PIK3C3: variants seen among roughly 807,000 people sequenced by gnomAD.
PIK3C3 encodes the protein PI3-kinase type 3.
In PIK3C3, 95 loss-of-function variants were observed where a neutral mutation model predicts 126.1. The observed-to-expected ratio is 0.75, with a 90% CI of 0.64 to 0.89. The LOEUF is 0.89. Among genes scored for constraint, PIK3C3 ranks in the 40% least tolerant of loss-of-function variants. The probability of loss-of-function intolerance (pLI) is 0.00; values close to 1 mark genes in which losing one functional copy is unlikely to be tolerated. For missense variants in PIK3C3, 829 were observed against 1,063.2 expected (o/e 0.78, Z 3.06); for synonymous variants, 374 against 360.0 (o/e 1.04, Z -0.44).
intron 24 of PIK3C3, among the ~76,000 whole-genome samples, chr18:42,079,396 A>G (rs576496863): frequency 6.6e-6 from 1 of 152,344 alleles, no homozygotes; most frequent in Admixed American, 6.5e-5. Context: ...AAACATTTAC[A>G]ATAGTGATAA....
intron 21 of PIK3C3, among the ~76,000 whole-genome samples, chr18:42,056,694 C>T (rs988940376): frequency 1.1e-4 from 16 of 151,960 alleles, no homozygotes; most frequent in Non-Finnish European, 2.2e-4. Context: ...AAAAGAATTG[C>T]TTAGCTTAGT....
At position 41,957,570 on chromosome 18, in the gene PIK3C3, A is replaced by G. The variant is rs145745512; in HGVS notation, c.69A>G (p.Ile23Met). 5.8e-5 allele frequency: 93 copies of G among 1,604,768 alleles called. No homozygotes were observed. The highest frequency in any genetic ancestry group is 7.8e-5 in the Non-Finnish European group (92 of 1,177,802). ...CDLDINVQLK[I>M]GSLEGKREQK... ...AACATTGTTGGTCTTGTGCTTTCAG[A>G]GGAAGCTTGGAAGGGAAGAGAGAAC... Residue 23 changes from isoleucine (I) to methionine (M), a missense_variant and splice_region_variant, in exon 2 of 25, where the codon ATA becomes ATG. Physicochemically the swap from Ile to Met is conservative, Grantham distance 10. Around this residue, in one of 4 missense-constraint regions of PIK3C3, gnomAD observed 313 missense variants for 340.7 expected, o/e 0.92. Transcript: ENST00000262039.
intron 24 of PIK3C3, among the ~76,000 whole-genome samples, chr18:42,079,503 A>G (rs986052049): frequency 1.3e-5 from 2 of 152,210 alleles, no homozygotes; most frequent in African/African-American, 4.8e-5. Flanking sequence ...CAGAGACACA[A>G]AGTGAACATA....
rs1372294430 is a variant in PIK3C3 at position 42,078,355 on chromosome 18, G to A, written c.2650-2768G>A. Among the ~76,000 whole-genome samples the A allele has an allele frequency of 2.4e-4, 33 of 136,302 alleles. No homozygotes were observed. The Admixed American group carries it at 2.5e-3, about 10-fold the overall frequency. The allele number at this position is 136,302 out of a possible 152,430, so 89.4% of individuals were successfully genotyped here. ...TTGCGCCACTGCAGTCCGCAGTCCG[G>A]CCTGGGCAACAGAGCGAGACTCTGT... On this transcript the variant is annotated intron_variant, in intron 24 of 24. Coordinates refer to ENST00000262039, the MANE Select transcript of PIK3C3 (RefSeq NM_002647.4).
intron 24 of PIK3C3, chr18:42,070,498 CTT>C (rs1985728286): frequency 6.6e-6 from 1 of 151,868 alleles, no homozygotes. Flanking sequence ...TCTTAATTCT[CTT>C]TATTAAAAAT....
chr18:42,004,286 C>T, intron 9 of PIK3C3, 70 bp from the exon 10 acceptor site: 3 of 1,197,218 alleles, frequency 2.5e-6, no homozygotes, highest in Non-Finnish European at 1.2e-6. Context: ...CCTAGTGGAA[C>T]TCTGCCTAGT....
intron 4 of PIK3C3, among the ~76,000 whole-genome samples, chr18:41,975,062 G>C (rs1188669786): frequency 6.6e-6 from 1 of 152,210 alleles, no homozygotes; most frequent in Middle Eastern, 3.2e-3. Flanking sequence ...TGGGAATGTT[G>C]TTGAGTAGAG....
At chr18:41,960,999 C>T (rs1980056881) in intron 2 of PIK3C3, among the ~76,000 whole-genome samples, 1 of 152,002 alleles carries the variant, frequency 6.6e-6, no homozygotes, top group Admixed American at 6.6e-5. Context: ...GCCTCGGCCT[C>T]CCAAAGTAGG....
rs116765544 is a variant in PIK3C3 at position 42,035,534 on chromosome 18, G to A, written c.1839+1577G>A. Among the ~76,000 whole-genome samples the A allele has an allele frequency of 7.0e-3, 1,069 of 152,130 alleles. 13 individuals carry two copies. The highest frequency in any genetic ancestry group is 0.023 in the African/African-American group (947 of 41,504). On this transcript the variant is annotated intron_variant, in intron 16 of 24. Transcript: ENST00000262039. Reference sequence around the variant, plus strand: ...CTTTTTGACCTCAGTATTCAGTCTTGATTATTTTTCTTTCAACTCTTAAGT... The same window carrying A: ...CTTTTTGACCTCAGTATTCAGTCTTAATTATTTTTCTTTCAACTCTTAAGT...
chr18:41,993,119 T>G, intron 6 of PIK3C3, 151 bp from the exon 7 acceptor site: 1 of 492,358 alleles, frequency 2.0e-6, no homozygotes, highest in South Asian at 3.4e-5. Flanking sequence ...GGACATGCAT[T>G]TTATAATATT....
rs866032233 is a variant in PIK3C3, at chr18:42,027,630, G to A, written c.1590+82G>A. ...TTGCCTGTTTAGGAACATCCCATGAGCTAAAAATGGTTTTATATATTTATT... is the reference window on the plus strand; with the variant it reads ...TTGCCTGTTTAGGAACATCCCATGAACTAAAAATGGTTTTATATATTTATT... On this transcript the variant is annotated intron_variant, in intron 14 of 24. Coordinates refer to ENST00000262039, the MANE Select transcript of PIK3C3 (RefSeq NM_002647.4). 2.8e-5 allele frequency: 18 copies of A among 638,922 alleles called. No homozygotes were observed. The Middle Eastern group carries it at 1.8e-3, about 65-fold the overall frequency. 39.6% of individuals were successfully genotyped at this position (638,922 alleles called of 1,614,324 possible). A position where few individuals can be genotyped will look rare whatever the true frequency, so the allele number is the denominator to read the frequency against.
rs920130891 is a variant in PIK3C3 at position 42,082,790 on chromosome 18, C to T, written c.*1653C>T. 1 of 152,072 alleles carries T rather than the reference C, an allele frequency of 6.6e-6. No homozygotes were observed. The highest frequency in any genetic ancestry group is 2.4e-5 in the African/African-American group (1 of 41,394). The allele number at this position is 152,072 out of a possible 1,614,324, so 9.4% of individuals were successfully genotyped here. A position where few individuals can be genotyped will look rare whatever the true frequency, so the allele number is the denominator to read the frequency against. On this transcript the variant is annotated 3_prime_UTR_variant, in exon 25 of 25. Transcript: ENST00000262039. ...CTTCAGCTTTGGGGGGCATATGATC[C>T]CAATAGCATCAACTTAACTCTGCTA...
At chr18:42,001,235 T>C (rs1389713572) in intron 9 of PIK3C3, among the ~76,000 whole-genome samples, 1 of 152,166 alleles carries the variant, frequency 6.6e-6, no homozygotes, top group Non-Finnish European at 1.5e-5. Flanking sequence ...TAATAAACTA[T>C]TTACTATAGG....
In PIK3C3 at chr18:42,085,205, A is replaced by G. The variant is rs1323825515; in HGVS notation, c.*4068A>G. 1 of 152,148 alleles carries G rather than the reference A, an allele frequency of 6.6e-6. No homozygotes were observed. Among genetic ancestry groups the G allele is most frequent in the East Asian group, 1.9e-4 (1 of 5,200 alleles). 9.4% of individuals were successfully genotyped at this position (152,148 alleles called of 1,614,324 possible). ...GTGAAAGTTCATTTTGTTCAGTGCT[A>G]TGGGCTGGTACATTGCATTTCAACA... On this transcript the variant is annotated 3_prime_UTR_variant, in exon 25 of 25. Transcript: ENST00000262039.
chr18:42,060,960 A>T (rs1985288747), intron 22 of PIK3C3, among the ~76,000 whole-genome samples: 1 of 152,128 alleles, frequency 6.6e-6, no homozygotes, highest in African/African-American at 2.4e-5. Flanking sequence ...AGGAACTCTG[A>T]TTTTGCTGTC....
chr18:42,079,232 T>G (rs1413372630), intron 24 of PIK3C3, among the ~76,000 whole-genome samples: 2 of 152,326 alleles, frequency 1.3e-5, no homozygotes, highest in African/African-American at 4.8e-5. Context: ...GATAGCGTTC[T>G]TAATTGGCCT....
rs1986361397 is a variant in PIK3C3 at position 42,084,704 on chromosome 18, A to G, written c.*3567A>G. On this transcript the variant is annotated 3_prime_UTR_variant, in exon 25 of 25. Transcript: ENST00000262039. ...ACCCCTGCATCCGATAAGTGGCTGC[A>G]CTAGACCACAGGAACCAGACTCCAC... 6.6e-6 allele frequency: 1 copy of G among 152,080 alleles called. No individual in the cohort carries two copies. Among genetic ancestry groups the G allele is most frequent in the Non-Finnish European group, 1.5e-5 (1 of 68,034 alleles). The allele number at this position is 152,080 out of a possible 1,614,324, so 9.4% of individuals were successfully genotyped here.
At chr18:42,023,367 G>A (rs903160098) in intron 13 of PIK3C3, among the ~76,000 whole-genome samples, 2 of 152,162 alleles carry the variant, frequency 1.3e-5, no homozygotes, top group South Asian at 4.1e-4. Flanking sequence ...AAATCTGTTC[G>A]ATGAAGTTTC....
chr18:41,956,548 C>CCTTTTT (rs1979784003), intron 1 of PIK3C3, among the ~76,000 whole-genome samples: 1 of 100,238 alleles, frequency 1.0e-5, no homozygotes, highest in African/African-American at 4.2e-5. Context: ...AAACCGGTCC[C>CCTTTTT]TTTTTTTTTT....
Sources: gnomAD v4.1 joint callset for allele counts (sites outside exome capture counted in the v4.1 genomes callset) on GRCh38, gnomAD v4.1.1 for gene constraint, gnomAD v4.1.1 regional missense constraint, MANE v1.5 for transcripts, NCBI Gene and HGNC (gene_info 2026-07-23, HGNC 2026-07-21) for gene names.